SPIDR: variants seen among roughly 807,000 people sequenced by gnomAD.
SPIDR encodes the protein scaffold protein involved in DNA repair, also known as DNA repair-scaffolding protein.
SPIDR carries 93 observed loss-of-function variants against 104.6 expected under a neutral mutation model. The observed-to-expected ratio is 0.89, with a 90% confidence interval of 0.75 to 1.06. The LOEUF (loss-of-function observed/expected upper bound fraction) is 1.06. Ranked by LOEUF, SPIDR falls within the 50% of genes least tolerant of loss-of-function variation. SPIDR has a pLI of 0.00. For missense variants in SPIDR, 1,154 were observed against 1,111.2 expected (o/e 1.04, Z -0.55); for synonymous variants, 431 against 416.9 (o/e 1.03, Z -0.41).
chr8:47,347,842 T>TCTTTG (rs1317333808), intron 5 of SPIDR, among the ~76,000 whole-genome samples: 3 of 152,212 alleles, frequency 2.0e-5, no homozygotes, highest in Non-Finnish European at 2.9e-5. Flanking sequence ...CCTATGTGTG[T>TCTTTG]CTTTGCAGGT....
chr8:47,560,777 AT>A (rs1564336031), intron 8 of SPIDR, among the ~76,000 whole-genome samples: 2 of 152,146 alleles, frequency 1.3e-5, no homozygotes, highest in South Asian at 4.1e-4. Flanking sequence ...TGATCTAGCC[AT>A]TTTTAAGTCC....
At chr8:47,728,279 A>T (rs982466208) in intron 17 of SPIDR, among the ~76,000 whole-genome samples, 4 of 151,940 alleles carry the variant, frequency 2.6e-5, no homozygotes, top group Admixed American at 6.6e-5. Flanking sequence ...TTTTAAAAAT[A>T]CAAAAATTAG....
chr8:47,566,439 T>C (rs2154403704), intron 8 of SPIDR, among the ~76,000 whole-genome samples: 1 of 152,050 alleles, frequency 6.6e-6, no homozygotes, highest in Non-Finnish European at 1.5e-5. Context: ...TTTAAGTGAG[T>C]AGTCATAGAA....
intron 10 of SPIDR, among the ~76,000 whole-genome samples, chr8:47,638,379 G>A (rs544357073): frequency 6.4e-4 from 97 of 152,274 alleles, no homozygotes; most frequent in African/African-American, 2.3e-3. Flanking sequence ...CCTGAACTCA[G>A]GTGATTCCCT....
At chr8:47,520,681 G>A (rs1194780930) in intron 8 of SPIDR, among the ~76,000 whole-genome samples, 1 of 152,156 alleles carries the variant, frequency 6.6e-6, no homozygotes, top group South Asian at 2.1e-4. Context: ...ATGGAAGGGA[G>A]GTATTACTGT....
chr8:47,403,362 A>G (rs2062200612), intron 6 of SPIDR, among the ~76,000 whole-genome samples: 1 of 152,240 alleles, frequency 6.6e-6, no homozygotes, highest in African/African-American at 2.4e-5. Flanking sequence ...CAGGGCAATC[A>G]GGCAAGAGAA....
At chr8:47,486,291 G>C (rs2077604221) in intron 8 of SPIDR, among the ~76,000 whole-genome samples, 1 of 152,088 alleles carries the variant, frequency 6.6e-6, no homozygotes, top group African/African-American at 2.4e-5. Flanking sequence ...AGCAACAAAA[G>C]AAGTTTAGAG....
At chr8:47,346,008 CA>C (rs1246283558) in intron 5 of SPIDR, among the ~76,000 whole-genome samples, 23 of 152,072 alleles carry the variant, frequency 1.5e-4, no homozygotes, top group Non-Finnish European at 2.9e-4. Context: ...ATGTTGAATA[CA>C]TGTGGTGAGA....
At chr8:47,297,703 C>T (rs982294804) in intron 5 of SPIDR, among the ~76,000 whole-genome samples, 4 of 152,030 alleles carry the variant, frequency 2.6e-5, no homozygotes, top group Non-Finnish European at 4.4e-5. Context: ...TGAGAACATG[C>T]GCTGTTTGGT....
intron 6 of SPIDR, among the ~76,000 whole-genome samples, chr8:47,402,639 C>A (rs1410689647): frequency 1.8e-4 from 27 of 152,126 alleles, no homozygotes; most frequent in African/African-American, 6.5e-4. Flanking sequence ...TACACCCTCA[C>A]CAGACTAAAC....
At chr8:47,466,115 C>A (rs1554716752) in intron 8 of SPIDR, among the ~76,000 whole-genome samples, 2 of 152,070 alleles carry the variant, frequency 1.3e-5, no homozygotes, top group Non-Finnish European at 2.9e-5. Context: ...AACAGATCAT[C>A]AAGGCAGAAA....
chr8:47,409,011 C>T (rs1034717808), intron 7 of SPIDR, among the ~76,000 whole-genome samples: 1 of 152,110 alleles, frequency 6.6e-6, no homozygotes, highest in Non-Finnish European at 1.5e-5. Context: ...CATGGTGAAA[C>T]CCCATCTCTA....
intron 8 of SPIDR, among the ~76,000 whole-genome samples, chr8:47,494,195 C>A (rs909233882): frequency 6.6e-6 from 1 of 150,942 alleles, no homozygotes; most frequent in Admixed American, 6.6e-5. Context: ...TCTATGTTGC[C>A]CAGGCTGGTC....
At chr8:47,353,190 C>T (rs1275446300) in intron 5 of SPIDR, among the ~76,000 whole-genome samples, 10 of 151,514 alleles carry the variant, frequency 6.6e-5, no homozygotes, top group Admixed American at 1.3e-4. Flanking sequence ...TAATTAAAAT[C>T]GTATTTTTTC....
chr8:47,613,640 C>T (rs1022214056), intron 10 of SPIDR, among the ~76,000 whole-genome samples: 16 of 152,258 alleles, frequency 1.1e-4, no homozygotes, highest in East Asian at 1.9e-4. Flanking sequence ...CACATCCTCG[C>T]CAGCACTTGC....
intron 10 of SPIDR, chr8:47,660,505 G>C: frequency 1.0e-6 from 1 of 985,434 alleles, no homozygotes. Flanking sequence ...GCAGCTGATG[G>C]CTGAAACAGG....
At chr8:47,571,294 A>G (rs534825203) in intron 8 of SPIDR, among the ~76,000 whole-genome samples, 1 of 152,274 alleles carries the variant, frequency 6.6e-6, no homozygotes, top group East Asian at 1.9e-4. Context: ...AAGTATTGTA[A>G]GCATACACAT....
intron 8 of SPIDR, among the ~76,000 whole-genome samples, chr8:47,575,508 G>A (rs1372746434): frequency 1.3e-4 from 19 of 151,540 alleles, no homozygotes; most frequent in South Asian, 4.2e-4. Context: ...TTAGCCGGGC[G>A]TGGTAGTGGG....
At chr8:47,473,201 TG>T (rs1345836595) in intron 8 of SPIDR, among the ~76,000 whole-genome samples, 1 of 152,260 alleles carries the variant, frequency 6.6e-6, no homozygotes, top group Non-Finnish European at 1.5e-5. Context: ...TACAGGGTCT[TG>T]GAAGCAAGCA....
Sources: gnomAD v4.1 joint callset for allele counts (sites outside exome capture counted in the v4.1 genomes callset) on GRCh38, gnomAD v4.1.1 for gene constraint, MANE v1.5 for transcripts, NCBI Gene and HGNC (gene_info 2026-07-23, HGNC 2026-07-21) for gene names.